LMTK3: variants seen among roughly 807,000 people sequenced by gnomAD.
LMTK3 encodes serine/threonine-protein kinase LMTK3.
LMTK3 carries 27 observed loss-of-function variants against 116.7 expected under a neutral mutation model. That is an observed-to-expected ratio of 0.23 (90% CI 0.17 to 0.32). LMTK3 has a LOEUF of 0.32. Among genes scored for constraint, LMTK3 ranks in the 10% least tolerant of loss-of-function variants. LMTK3 has a pLI of 1.00. For missense variants in LMTK3, 1,764 were observed against 2,068.5 expected (o/e 0.85, Z 2.86); for synonymous variants, 965 against 971.0 (o/e 0.99, Z 0.11).
intron 5 of LMTK3, 69 bp from the exon 6 acceptor site, chr19:48,503,065 C>G: frequency 2.3e-6 from 2 of 879,424 alleles, no homozygotes; most frequent in South Asian, 1.4e-5. Flanking sequence ...CAACCCCCAG[C>G]AGAACCAAAC....
Position 48,498,634 on chromosome 19 carries a change from GCCC to G in LMTK3, c.2432_2434del (p.Gly811del). On this transcript the variant is annotated inframe_deletion, in exon 11 of 15. Coordinates refer to ENST00000600059, the MANE Select transcript of LMTK3 (RefSeq NM_001388485.1). ...CCGAGGGACCCCTTCCTCCTCGGCC[GCCC>G]CCCCACCTGGGAAGGCTCCCTCTGG... 1.9e-6 allele frequency: 3 copies of G among 1,540,694 alleles called. No individual in the cohort carries two copies. The highest frequency in any genetic ancestry group is 2.6e-6 in the Non-Finnish European group (3 of 1,143,446).
chr19:48,487,821 C>A (rs78723933), intron 14 of LMTK3, among the ~76,000 whole-genome samples: 1 of 152,138 alleles, frequency 6.6e-6, no homozygotes, highest in Admixed American at 6.6e-5. Flanking sequence ...CCCTCACTCC[C>A]AGTCCCTGAG....
intron 14 of LMTK3, among the ~76,000 whole-genome samples, chr19:48,490,077 A>ACCTT (rs1192775832): frequency 1.3e-5 from 2 of 152,228 alleles, no homozygotes; most frequent in African/African-American, 2.4e-5. Flanking sequence ...GGTGGCCACG[A>ACCTT]GGATTAGCGA....
At chr19:48,501,949 TCCCCCTCCCCTGC>T (rs963291690) in intron 7 of LMTK3, among the ~76,000 whole-genome samples, 5 of 91,558 alleles carry the variant, frequency 5.5e-5, no homozygotes, top group Non-Finnish European at 6.5e-5. Flanking sequence ...TCCTGACTCC[TCCCCCTCCCCTGC>T]CCCCCTCCCC....
At chr19:48,504,122 C>G (rs1294879968) in intron 5 of LMTK3, among the ~76,000 whole-genome samples, 3 of 152,146 alleles carry the variant, frequency 2.0e-5, no homozygotes, top group Non-Finnish European at 2.9e-5. Context: ...CCCGCCTCAG[C>G]CTCCCAAAGT....
rs372299458 is a variant in LMTK3, at chr19:48,492,486, C to A, written c.4093-947G>T. On this transcript the variant is annotated intron_variant, in intron 12 of 14. Coordinates refer to ENST00000600059, the MANE Select transcript of LMTK3 (RefSeq NM_001388485.1). The stretch of plus-strand genomic sequence containing the variant: ...ACAGGCGTGAGCCACCCGGGACAGG[C>A]CTAACTCTTAACACATTCCTCAACC... Among the ~76,000 whole-genome samples, 11 of 152,284 alleles carry A rather than the reference C, an allele frequency of 7.2e-5. No individual in the cohort carries two copies. In the East Asian group the frequency reaches 1.7e-3, roughly 24 times the overall value.
chr19:48,485,704 C>A lies in LMTK3; in HGVS notation c.*69G>T. On this transcript the variant is annotated 3_prime_UTR_variant, in exon 15 of 15. Transcript: ENST00000600059. ...GCGTCTGCGGTGGTGGCAGTGGCGC[C>A]GTCATCCACAGAGGATTCCATTCTC... 2 of 1,549,930 alleles carry A rather than the reference C, an allele frequency of 1.3e-6. No individual in the cohort carries two copies. The highest frequency in any genetic ancestry group is 1.8e-6 in the Non-Finnish European group (2 of 1,135,310).
rs1447857100 is a variant in LMTK3, at chr19:48,510,519, C to T, written c.150G>A (p.Leu50=). ...AVVLISCSGL[L]AFIFLLLTCL... is the part of the protein sequence containing the mutation. ...AGGTGAGGAGGAGGAAGATGAAGGC[C>T]AGCAGGCCGGAGCAGGAAATGAGGA... Residue 50 remains leucine, a synonymous_variant, in exon 2 of 15, where the codon CTG becomes CTA. Coordinates refer to ENST00000600059, the MANE Select transcript of LMTK3 (RefSeq NM_001388485.1). 1 of 1,599,632 alleles carries T rather than the reference C, an allele frequency of 6.3e-7. No individual in the cohort carries two copies. Among genetic ancestry groups the T allele is most frequent in the South Asian group, 1.1e-5 (1 of 88,302 alleles).
At chr19:48,509,084 TC>T in intron 4 of LMTK3, 115 bp from the exon 5 acceptor site, 2 of 681,688 alleles carry the variant, frequency 2.9e-6, no homozygotes, top group Non-Finnish European at 5.0e-6. Context: ...AGCTTCTCCC[TC>T]CACATCCCAC....
intron 12 of LMTK3, 96 bp downstream of exon 12, chr19:48,493,598 A>G (rs1972266819): frequency 3.0e-6 from 4 of 1,353,890 alleles, no homozygotes; most frequent in African/African-American, 1.7e-5. Context: ...GCCCCGCCCA[A>G]CTCTAAGCTC....
intron 5 of LMTK3, among the ~76,000 whole-genome samples, chr19:48,503,811 T>C (rs375387014): frequency 3.8e-4 from 56 of 148,260 alleles, no homozygotes; most frequent in Non-Finnish European, 6.9e-4. Context: ...CTCTCTCTCT[T>C]TTTTTTCCTT....
Position 48,493,731 on chromosome 19 carries a change from G to C in LMTK3, c.4055C>G (p.Ser1352Cys). The change falls in exon 12 of 15, where the codon TCC (serine) becomes TGC (cysteine). Residue 1352 changes from serine (S) to cysteine (C), a missense_variant. Ser to Cys is a moderately radical substitution (Grantham distance 112). Coordinates refer to ENST00000600059, the MANE Select transcript of LMTK3 (RefSeq NM_001388485.1). ...SELERKRKMVSFHGDVTVYLF... is the reference protein window; with the variant it reads ...SELERKRKMVCFHGDVTVYLF... ...GTAGACGGTCACGTCCCCGTGGAAG[G>C]AGACCATCTTGCGCTTCCTCTCCAG... 2 of 1,576,440 alleles carry C rather than the reference G, an allele frequency of 1.3e-6. No individual in the cohort carries two copies. The highest frequency in any genetic ancestry group is 1.7e-6 in the Non-Finnish European group (2 of 1,162,856).
At chr19:48,507,690 A>G (rs1253867063) in intron 5 of LMTK3, among the ~76,000 whole-genome samples, 1 of 152,106 alleles carries the variant, frequency 6.6e-6, no homozygotes, top group Non-Finnish European at 1.5e-5. Flanking sequence ...AGCTCACTCC[A>G]TCCTCCAATT....
Position 48,485,561 on chromosome 19 carries a change from A to AG in LMTK3, c.*211dup, listed in dbSNP as rs1263160536. 8 of 406,020 alleles carry AG rather than the reference A, an allele frequency of 2.0e-5. No individual in the cohort carries two copies. Among genetic ancestry groups the AG allele is most frequent in the Non-Finnish European group, 3.3e-5 (8 of 242,016 alleles). The allele number at this position is 406,020 out of a possible 1,614,324, so 25.2% of individuals were successfully genotyped here. A position where few individuals can be genotyped will look rare whatever the true frequency, so the allele number is the denominator to read the frequency against. Reference sequence around the variant, plus strand: ...TGCCTCATTTGGCTCCGAGGGGGTCAGGGGGGTCAGGGGAGCCATCTGGGG... The same window carrying AG: ...TGCCTCATTTGGCTCCGAGGGGGTCAGGGGGGGTCAGGGGAGCCATCTGGGG... On this transcript the variant is annotated 3_prime_UTR_variant, in exon 15 of 15. Coordinates refer to ENST00000600059, the MANE Select transcript of LMTK3 (RefSeq NM_001388485.1).
chr19:48,511,387 G>A (rs1315719506), intron 1 of LMTK3, 114 bp downstream of exon 1: 2 of 441,304 alleles, frequency 4.5e-6, no homozygotes, highest in Middle Eastern at 5.9e-4. Flanking sequence ...GCTGGGCTGC[G>A]GGAAGACGCG....
upstream of LMTK3, chr19:48,513,412 G>A: frequency 1.8e-6 from 1 of 566,902 alleles, no homozygotes; most frequent in Non-Finnish European, 3.2e-6. This position sits in a 1 kb window ranked among gnomAD's most constrained non-coding sequence, Gnocchi z 5.6. Context: ...GCCGGGGAGT[G>A]GCAAAGCTGG....
At chr19:48,509,099 C>A in intron 4 of LMTK3, 130 bp from the exon 5 acceptor site, 1 of 639,504 alleles carries the variant, frequency 1.6e-6, no homozygotes, top group East Asian at 2.7e-5. Flanking sequence ...ATCCCACCAC[C>A]CTTGACCCCC....
upstream of LMTK3, chr19:48,513,137 C>A: frequency 6.3e-7 from 1 of 1,598,812 alleles, no homozygotes; most frequent in Non-Finnish European, 8.5e-7. This position sits in a 1 kb window ranked among gnomAD's most constrained non-coding sequence, Gnocchi z 5.6. Flanking sequence ...CGCAAATACC[C>A]ACGTTTCCCG....
chr19:48,508,802 C>T, intron 5 of LMTK3, 49 bp downstream of exon 5: 1 of 1,410,566 alleles, frequency 7.1e-7, no homozygotes, highest in Non-Finnish European at 1.0e-6. Flanking sequence ...CCTTCCACTC[C>T]TGAATGTCAC....
Sources: allele counts gnomAD v4.1 joint callset (sites outside exome capture counted in the v4.1 genomes callset), GRCh38; gene constraint gnomAD v4.1.1; non-coding constraint Gnocchi (gnomAD v3.1); transcripts MANE v1.5; gene names NCBI Gene and HGNC (gene_info 2026-07-23, HGNC 2026-07-21).